MPPED2: variants seen among roughly 807,000 people sequenced by gnomAD.
MPPED2 encodes the protein metallophosphoesterase MPPED2.
A neutral mutation model predicts 33.0 loss-of-function variants in MPPED2; 5 were observed. That is an observed-to-expected ratio of 0.15 (90% CI 0.08 to 0.32). The LOEUF (loss-of-function observed/expected upper bound fraction) is 0.32. MPPED2 is among the 10% of genes least tolerant of loss of function. MPPED2 has a pLI of 1.00. For missense variants in MPPED2, 275 were observed against 372.1 expected (o/e 0.74, Z 2.15); for synonymous variants, 136 against 141.9 (o/e 0.96, Z 0.29).
intron 3 of MPPED2, among the ~76,000 whole-genome samples, chr11:30,529,939 A>G (rs1292383117): frequency 2.6e-5 from 4 of 152,202 alleles, no homozygotes; most frequent in Non-Finnish European, 4.4e-5. Flanking sequence ...GGCTGGAGAA[A>G]CTGAAGCTCG....
At chr11:30,463,969 C>T (rs753440168) in intron 4 of MPPED2, among the ~76,000 whole-genome samples, 13 of 151,808 alleles carry the variant, frequency 8.6e-5, no homozygotes, top group South Asian at 2.1e-4. Context: ...AATTTACCCA[C>T]GCAATACCTA....
chr11:30,552,000 G>A (rs996647545), intron 2 of MPPED2, among the ~76,000 whole-genome samples: 2 of 152,120 alleles, frequency 1.3e-5, no homozygotes, highest in Non-Finnish European at 2.9e-5. Flanking sequence ...GAAAAAACCT[G>A]AACACACTCC....
intron 4 of MPPED2, among the ~76,000 whole-genome samples, chr11:30,442,199 G>C (rs1384177844): frequency 6.6e-6 from 1 of 152,208 alleles, no homozygotes; most frequent in Non-Finnish European, 1.5e-5. Flanking sequence ...AACTCCGGAA[G>C]GAGAAAAAGA....
chr11:30,532,857 T>C (rs559337), intron 3 of MPPED2, among the ~76,000 whole-genome samples: 55,689 of 152,072 alleles, frequency 0.37, 10,633 homozygotes, highest in African/African-American at 0.47. Context: ...AGGTGACATA[T>C]GTACAGATTA....
chr11:30,435,349 A>G (rs1024255587), intron 4 of MPPED2, among the ~76,000 whole-genome samples: 5 of 152,198 alleles, frequency 3.3e-5, no homozygotes, highest in Non-Finnish European at 5.9e-5. Flanking sequence ...CAAGCACACT[A>G]TCAAAAGTGG....
rs956357080 is a variant in MPPED2, at chr11:30,544,346, A to G, written c.129-8171T>C. On this transcript the variant is annotated intron_variant, in intron 2 of 6. Coordinates refer to ENST00000358117, the MANE Select transcript of MPPED2 (RefSeq NM_001584.3). The stretch of plus-strand genomic sequence containing the variant: ...GGCCTTGCATTTGAGAAAAAAAGCC[A>G]TGTAATACTGTACTGAGTGCCCATT... 9.8e-5 allele frequency among the ~76,000 whole-genome samples: 15 copies of G among 152,336 alleles called. No individual in the cohort carries two copies. The South Asian group carries it at 2.7e-3, about 27-fold the overall frequency.
At chr11:30,570,701 G>A (rs936495074) in intron 2 of MPPED2, among the ~76,000 whole-genome samples, 4 of 152,154 alleles carry the variant, frequency 2.6e-5, no homozygotes, top group Admixed American at 6.6e-5. Flanking sequence ...AGCTTGCTTA[G>A]CTGGTGGGAG....
At chr11:30,476,746 T>G (rs752550493) in intron 4 of MPPED2, among the ~76,000 whole-genome samples, 1 of 152,074 alleles carries the variant, frequency 6.6e-6, no homozygotes, top group African/African-American at 2.4e-5. Context: ...CAAAAAATAT[T>G]ACAATCAGCT....
At chr11:30,569,135 A>C (rs1956580159) in intron 2 of MPPED2, among the ~76,000 whole-genome samples, 1 of 152,160 alleles carries the variant, frequency 6.6e-6, no homozygotes, top group Admixed American at 6.6e-5. Flanking sequence ...GCCGACAGCC[A>C]TTAACATCGT....
At chr11:30,576,337 C>T (rs1355626773) in intron 2 of MPPED2, among the ~76,000 whole-genome samples, 2 of 152,096 alleles carry the variant, frequency 1.3e-5, no homozygotes, top group African/African-American at 4.8e-5. Flanking sequence ...GGTAAAAGAA[C>T]AAGTGCAGTG....
chr11:30,535,980 C>G lies in MPPED2; in HGVS notation c.310+14G>C, dbSNP rs376719393. 1 of 1,581,536 alleles carries G rather than the reference C, an allele frequency of 6.3e-7. No homozygotes were observed. Among genetic ancestry groups the G allele is most frequent in the Non-Finnish European group, 8.6e-7 (1 of 1,165,674 alleles). ...AAGGTTAATTGGGGCCGCCAGAACG[C>G]AATCATTCCTTACCTAACCAGTCAT... On this transcript the variant is annotated intron_variant, in intron 3 of 6. Coordinates refer to ENST00000358117, the MANE Select transcript of MPPED2 (RefSeq NM_001584.3).
intron 3 of MPPED2, among the ~76,000 whole-genome samples, chr11:30,502,891 A>T (rs1487422008): frequency 1.3e-5 from 2 of 152,214 alleles, no homozygotes; most frequent in African/African-American, 4.8e-5. Flanking sequence ...AAACAACTGC[A>T]ATCAGGTTTT....
chr11:30,436,362 A>G (rs765984544), intron 4 of MPPED2, among the ~76,000 whole-genome samples: 1 of 152,168 alleles, frequency 6.6e-6, no homozygotes, highest in Non-Finnish European at 1.5e-5. Flanking sequence ...CTGTGGCTAT[A>G]GGATGGAGCC....
intron 2 of MPPED2, among the ~76,000 whole-genome samples, chr11:30,574,155 C>T (rs974164833): frequency 6.6e-6 from 1 of 152,182 alleles, no homozygotes; most frequent in Non-Finnish European, 1.5e-5. Context: ...TCACCGCTGA[C>T]TCACTGACTC....
At chr11:30,499,097 A>G (rs1190575821) in intron 3 of MPPED2, among the ~76,000 whole-genome samples, 1 of 152,158 alleles carries the variant, frequency 6.6e-6, no homozygotes, top group Non-Finnish European at 1.5e-5. Flanking sequence ...CAGCCATCAC[A>G]AAATTTGTCC....
intron 3 of MPPED2, chr11:30,501,536 C>T (rs1952561099): frequency 1.5e-6 from 1 of 675,282 alleles, no homozygotes; most frequent in Admixed American, 6.3e-5. Flanking sequence ...ATCCAGATAT[C>T]TCTGTCTTCC....
At chr11:30,561,779 G>T (rs987431269) in intron 2 of MPPED2, among the ~76,000 whole-genome samples, 2 of 152,180 alleles carry the variant, frequency 1.3e-5, no homozygotes, top group African/African-American at 4.8e-5. Context: ...TGACCACAGG[G>T]TTTCTCAACC....
In MPPED2 at chr11:30,475,373, G is replaced by A. The variant is rs547430802; in HGVS notation, c.536+19923C>T. ...GTTGCAGATATATACATACTATAAT[G>A]AAGACACAAGGCCATAATTAAGATA... On this transcript the variant is annotated intron_variant, in intron 4 of 6. Coordinates refer to ENST00000358117, the MANE Select transcript of MPPED2 (RefSeq NM_001584.3). Among the ~76,000 whole-genome samples the A allele has an allele frequency of 2.0e-4, 31 of 152,084 alleles. No homozygotes were observed. The Middle Eastern group carries it at 0.017, about 83-fold the overall frequency.
At chr11:30,447,592 C>A (rs776420571) in intron 4 of MPPED2, among the ~76,000 whole-genome samples, 7 of 152,148 alleles carry the variant, frequency 4.6e-5, no homozygotes, top group Non-Finnish European at 8.8e-5. Context: ...AGAAATTAGA[C>A]TGACAAGAGC....
Sources: gnomAD v4.1 joint callset for allele counts (sites outside exome capture counted in the v4.1 genomes callset) on GRCh38, gnomAD v4.1.1 for gene constraint, MANE v1.5 for transcripts, NCBI Gene and HGNC (gene_info 2026-07-23, HGNC 2026-07-21) for gene names.